The following MAP3K13 variants were observed in gnomAD, a reference collection of about 807,000 sequenced individuals.
MAP3K13 encodes leucine zipper-bearing kinase.
In MAP3K13, 52 loss-of-function variants were observed where a neutral mutation model predicts 104.0. The ratio of observed to expected loss-of-function variants is 0.50; its 90% CI spans 0.40 to 0.63. The LOEUF (loss-of-function observed/expected upper bound fraction) is 0.63. Ranked by LOEUF, MAP3K13 falls within the 20% of genes least tolerant of loss-of-function variation. The probability of loss-of-function intolerance (pLI) is 0.00; values close to 1 mark genes in which losing one functional copy is unlikely to be tolerated. For synonymous variants in MAP3K13, 394 were observed against 442.2 expected, an observed-to-expected ratio of 0.89 and a Z score of 1.37; for missense variants, 914 against 1,218.5, an observed-to-expected ratio of 0.75 and a Z score of 3.72.
chr3:185,451,157 A>G, intron 6 of MAP3K13, 130 bp from the exon 7 acceptor site: 1 of 612,058 alleles, frequency 1.6e-6, no homozygotes, highest in Non-Finnish European at 2.9e-6. Flanking sequence ...TCCTGATATA[A>G]TGGAGTACAG....
At chr3:185,360,043 A>T (rs536930584), upstream of MAP3K13, among the ~76,000 whole-genome samples, 20 of 152,190 alleles carry the variant, frequency 1.3e-4, no homozygotes, top group Middle Eastern at 3.4e-3. Context: ...AGTTTTAAAT[A>T]TCTTCTTGCA....
chr3:185,293,288 T>G (rs1577398756), intron 2 of MAP3K13, among the ~76,000 whole-genome samples: 1 of 152,108 alleles, frequency 6.6e-6, no homozygotes, highest in Middle Eastern at 3.4e-3. Flanking sequence ...TGGCTAATTT[T>G]TATATTTTTA....
At chr3:185,290,705 A>G (rs1720701394) in intron 2 of MAP3K13, among the ~76,000 whole-genome samples, 2 of 152,214 alleles carry the variant, frequency 1.3e-5, no homozygotes, top group African/African-American at 4.8e-5. Context: ...AATAGGAGAC[A>G]TTAGTAGTAT....
chr3:185,329,075 G>T, intron 2 of MAP3K13: 2 of 557,246 alleles, frequency 3.6e-6, no homozygotes, highest in Non-Finnish European at 6.5e-6. Flanking sequence ...AAATCTTAGG[G>T]ATTAGAACTA....
intron 2 of MAP3K13, 52 bp from the exon 3 acceptor site, chr3:185,437,395 G>T: frequency 6.5e-7 from 1 of 1,528,450 alleles, no homozygotes; most frequent in Non-Finnish European, 8.9e-7. Flanking sequence ...TGGCCTTGTA[G>T]AGTGGTCCCT....
At chr3:185,464,948 G>A (rs760087964) in intron 8 of MAP3K13, among the ~76,000 whole-genome samples, 1 of 152,016 alleles carries the variant, frequency 6.6e-6, no homozygotes, top group Non-Finnish European at 1.5e-5. Context: ...CAAGGGCAGA[G>A]CTCTCATGAC....
chr3:185,317,847 C>T (rs902930965), intron 2 of MAP3K13, among the ~76,000 whole-genome samples: 3 of 152,050 alleles, frequency 2.0e-5, no homozygotes, highest in Non-Finnish European at 4.4e-5. Flanking sequence ...ACAGATACTA[C>T]TTGGCATACC....
chr3:185,363,336 A>G lies in MAP3K13; in HGVS notation c.-118A>G. ...CCTTACATCTTTTCAAAGCAAGAAAATGGAACAGCATGTGTAGGAATTCTT... is the reference window on the plus strand; with the variant it reads ...CCTTACATCTTTTCAAAGCAAGAAAGTGGAACAGCATGTGTAGGAATTCTT... On this transcript the variant is annotated 5_prime_UTR_variant, in exon 1 of 14. An upstream start codon of the reference 5' UTR is lost. Coordinates refer to ENST00000265026, the MANE Select transcript of MAP3K13 (RefSeq NM_004721.5). 1.0e-6 allele frequency: 1 copy of G among 985,342 alleles called. No homozygotes were observed. The highest frequency in any genetic ancestry group is 1.2e-6 in the Non-Finnish European group (1 of 829,884). The allele number at this position is 985,342 out of a possible 1,614,324, so 61.0% of individuals were successfully genotyped here.
chr3:185,399,377 C>G (rs7645315), intron 1 of MAP3K13, among the ~76,000 whole-genome samples: 146,264 of 151,750 alleles, frequency 0.96, 70,524 homozygotes, highest in East Asian at 1. Context: ...GGCCGAGGCC[C>G]GCGGATCATG....
chr3:185,362,195 C>A (rs1723654835), upstream of MAP3K13, among the ~76,000 whole-genome samples: 3 of 152,168 alleles, frequency 2.0e-5, no homozygotes, highest in African/African-American at 7.2e-5. Flanking sequence ...TCAGAAAAAT[C>A]ATGATCAGTA....
At chr3:185,370,817 C>T (rs533023940) in intron 1 of MAP3K13, among the ~76,000 whole-genome samples, 63 of 150,274 alleles carry the variant, frequency 4.2e-4, no homozygotes, top group African/African-American at 1.5e-3. Flanking sequence ...ATGTGGCTAC[C>T]GATAATCCAG....
Position 185,428,877 on chromosome 3 carries a change from A to C in MAP3K13, c.296A>C (p.Gln99Pro). The change falls in exon 2 of 14, where the codon CAG (glutamine) becomes CCG (proline). Residue 99 changes from glutamine to proline, a missense_variant. By Grantham distance (76) the Gln-to-Pro change is moderately conservative (BLOSUM62 -1). Coordinates refer to ENST00000265026, the MANE Select transcript of MAP3K13 (RefSeq NM_004721.5). ...EHDESETAVS[Q>P]GNSNTVDGES... is the part of the protein sequence containing the mutation. ...GATGAATCAGAGACGGCGGTGTCTC[A>C]GGGGAACAGCAACACGGTGGACGGA... 1 of 1,614,166 alleles carries C rather than the reference A, an allele frequency of 6.2e-7. No individual in the cohort carries two copies. Among genetic ancestry groups the C allele is most frequent in the Non-Finnish European group, 8.5e-7 (1 of 1,179,998 alleles).
At chr3:185,357,897 T>G (rs1723433630) in intron 2 of MAP3K13, among the ~76,000 whole-genome samples, 1 of 152,224 alleles carries the variant, frequency 6.6e-6, no homozygotes, top group Non-Finnish European at 1.5e-5. Flanking sequence ...TTAAAAATAT[T>G]GAATAGTTAA....
At chr3:185,346,913 A>G (rs1375211512) in intron 2 of MAP3K13, among the ~76,000 whole-genome samples, 3 of 151,188 alleles carry the variant, frequency 2.0e-5, no homozygotes, top group African/African-American at 7.3e-5. Context: ...TAATTTTTGA[A>G]CTCACATTTG....
In MAP3K13 at chr3:185,428,601, A is replaced by G. The variant is rs1714560602; in HGVS notation, c.20A>G (p.His7Arg). 2.5e-6 allele frequency: 4 copies of G among 1,600,452 alleles called. No individual in the cohort carries two copies. Among genetic ancestry groups the G allele is most frequent in the Non-Finnish European group, 3.4e-6 (4 of 1,171,444 alleles). MANFQE[H>R]LSCSSSPHLP... ...GGCACGATGGCCAACTTTCAGGAGC[A>G]CCTGAGCTGCTCCTCTTCTCCACAC... Residue 7 changes from histidine to arginine, a missense_variant, in exon 2 of 14, where the codon CAC becomes CGC. Transcript: ENST00000265026.
At chr3:185,475,846 G>A (rs1229630964) in intron 11 of MAP3K13, among the ~76,000 whole-genome samples, 10 of 152,120 alleles carry the variant, frequency 6.6e-5, no homozygotes, top group African/African-American at 2.4e-4. Flanking sequence ...GCAAGACTCT[G>A]TCTCAATAAA....
At chr3:185,338,548 G>T (rs1722597956) in intron 2 of MAP3K13, among the ~76,000 whole-genome samples, 1 of 152,056 alleles carries the variant, frequency 6.6e-6, no homozygotes, top group South Asian at 2.1e-4. Context: ...TAATAGTGCT[G>T]GTTCACTGAA....
At chr3:185,312,136 C>G (rs2108687152) in intron 2 of MAP3K13, among the ~76,000 whole-genome samples, 1 of 152,336 alleles carries the variant, frequency 6.6e-6, no homozygotes, top group Middle Eastern at 3.4e-3. Context: ...AAGAGGAACT[C>G]CTTCCTCTAC....
At chr3:185,344,585 T>C (rs943203148) in intron 2 of MAP3K13, among the ~76,000 whole-genome samples, 4 of 152,218 alleles carry the variant, frequency 2.6e-5, no homozygotes, top group African/African-American at 9.6e-5. Context: ...AGCCATTTAA[T>C]AATCACTTCC....
Sources: gnomAD v4.1 joint callset for allele counts (sites outside exome capture counted in the v4.1 genomes callset) on GRCh38, gnomAD v4.1.1 for gene constraint, MANE v1.5 for transcripts, NCBI Gene and HGNC (gene_info 2026-07-23, HGNC 2026-07-21) for gene names.